The following KLRG2 variants were observed in gnomAD, a reference collection of about 807,000 sequenced individuals.
KLRG2 encodes the protein killer cell lectin-like receptor subfamily G member 2.
A neutral mutation model predicts 35.4 loss-of-function variants in KLRG2; 39 were observed. That is an observed-to-expected ratio of 1.10 (90% CI 0.85 to 1.44). The LOEUF is 1.44. Among genes scored for constraint, KLRG2 ranks in the 40% most tolerant of loss-of-function variants. The pLI, the probability that KLRG2 is intolerant of heterozygous loss-of-function variation, is 0.00. For missense variants in KLRG2, 632 were observed against 570.9 expected (o/e 1.11, Z -1.09); for synonymous variants, 283 against 265.8 (o/e 1.06, Z -0.63).
chr7:139,434,689 GT>G, the KLRG2 span, among the ~76,000 whole-genome samples: 1 of 152,228 alleles, frequency 6.6e-6, no homozygotes, highest in Non-Finnish European at 1.5e-5. Context: ...AGCACGCTGT[GT>G]TCTTACAGGG....
the KLRG2 span, among the ~76,000 whole-genome samples, chr7:139,431,886 A>C: frequency 6.6e-6 from 1 of 152,292 alleles, no homozygotes; most frequent in East Asian, 1.9e-4. Context: ...ATTTTTAAAA[A>C]GCAGTTGCAG....
At position 139,482,977 on chromosome 7, in the gene KLRG2, C is replaced by T; in HGVS notation, c.666G>A (p.Lys222=). ...CATCCTCCTTCTCCAGCCCCAGCTC[C>T]TTGCAGCGGCAGCACGTGGGGGAGC... ...SPGSPTCCRC[K]ELGLEKEDAA... is the part of the protein sequence containing the mutation. The change falls in exon 1 of 5, where the codon AAG becomes AAA. Residue 222 remains lysine (K), a synonymous_variant. Coordinates refer to ENST00000340940, the MANE Select transcript of KLRG2 (RefSeq NM_198508.4). 7.0e-7 allele frequency: 1 copy of T among 1,420,322 alleles called. No individual in the cohort carries two copies. The highest frequency in any genetic ancestry group is 9.1e-7 in the Non-Finnish European group (1 of 1,096,446). The allele number at this position is 1,420,322 out of a possible 1,614,324, so 88.0% of individuals were successfully genotyped here.
chr7:139,451,167 G>A (rs1010546549), downstream of KLRG2, among the ~76,000 whole-genome samples: 1 of 152,210 alleles, frequency 6.6e-6, no homozygotes, highest in African/African-American at 2.4e-5. Context: ...AAAAACAGTT[G>A]TCTGGGGCAA....
In KLRG2 at chr7:139,483,299, G is replaced by C. The variant is rs781418062; in HGVS notation, c.344C>G (p.Ala115Gly). 1.3e-6 allele frequency: 2 copies of C among 1,556,390 alleles called. No homozygotes were observed. The highest frequency in any genetic ancestry group is 2.3e-5 in the South Asian group (2 of 86,028). ...RNGEAPGAEP[A>G]PSAWAPMELQ... is the part of the protein sequence containing the mutation. Reference sequence around the variant, plus strand: ...CTCCATGGGCGCCCAGGCGCTGGGCGCAGGCTCAGCCCCGGGCGCCTCGCC... The same window carrying C: ...CTCCATGGGCGCCCAGGCGCTGGGCCCAGGCTCAGCCCCGGGCGCCTCGCC... Residue 115 changes from alanine to glycine, a missense_variant, in exon 1 of 5, where the codon GCG (alanine) becomes GGG (glycine). Transcript: ENST00000340940.
At chr7:139,454,834 T>TA (rs1283801806) in intron 3 of KLRG2, among the ~76,000 whole-genome samples, 2 of 75,012 alleles carry the variant, frequency 2.7e-5, no homozygotes, top group Non-Finnish European at 4.5e-5. Context: ...ATAATAATAA[T>TA]AATAATAATA....
At chr7:139,477,637 C>T (rs1026231262) in intron 3 of KLRG2, among the ~76,000 whole-genome samples, 2 of 151,954 alleles carry the variant, frequency 1.3e-5, no homozygotes, top group African/African-American at 2.4e-5. Flanking sequence ...TTGTACAAGA[C>T]GAAAAGAGTT....
intron 3 of KLRG2, among the ~76,000 whole-genome samples, chr7:139,466,761 A>AG (rs1554404153): frequency 3.3e-4 from 50 of 149,532 alleles, no homozygotes; most frequent in East Asian, 8.0e-4. Flanking sequence ...AAATAAAAAA[A>AG]GGGGGGGGTA....
Position 139,483,437 on chromosome 7 carries a change from T to G in KLRG2, c.206A>C (p.Lys69Thr). The change falls in exon 1 of 5, where the codon AAG becomes ACG. Residue 69 changes from lysine (K) to threonine (T), a missense_variant. Lys to Thr is a moderately conservative substitution (Grantham distance 78, BLOSUM62 -1). Transcript: ENST00000340940. The part of the protein sequence containing the change: ...GAGLEPSSKK[K>T]PPSPRPGSPR... ...GGACCCGGGGCGAGGCGAAGGCGGC[T>G]TTTTCTTGCTCGAGGGCTCCAGGCC... 6.4e-7 allele frequency: 1 copy of G among 1,570,516 alleles called. No homozygotes were observed. The highest frequency in any genetic ancestry group is 8.6e-7 in the Non-Finnish European group (1 of 1,168,936).
At chr7:139,473,133 T>C (rs182487425) in intron 3 of KLRG2, among the ~76,000 whole-genome samples, 2 of 152,222 alleles carry the variant, frequency 1.3e-5, no homozygotes, top group East Asian at 1.9e-4. Flanking sequence ...ATACAAAAAT[T>C]AGCTGTGTGT....
chr7:139,461,766 C>CTT (rs878900789), intron 3 of KLRG2, among the ~76,000 whole-genome samples: 1 of 152,104 alleles, frequency 6.6e-6, no homozygotes. Context: ...TTCGCTGACT[C>CTT]TTTTCGGACT....
chr7:139,443,946 C>T, the KLRG2 span, among the ~76,000 whole-genome samples: 3 of 152,108 alleles, frequency 2.0e-5, no homozygotes, highest in Non-Finnish European at 2.9e-5. Flanking sequence ...ATAGGGAAGC[C>T]GACAGTACAG....
At chr7:139,471,180 T>A (rs1796748458) in intron 3 of KLRG2, among the ~76,000 whole-genome samples, 1 of 151,940 alleles carries the variant, frequency 6.6e-6, no homozygotes, top group African/African-American at 2.4e-5. Flanking sequence ...AAGTTACATA[T>A]CATAGAAAAA....
intron 3 of KLRG2, among the ~76,000 whole-genome samples, chr7:139,455,641 A>G (rs1313404970): frequency 6.6e-6 from 1 of 152,142 alleles, no homozygotes; most frequent in East Asian, 1.9e-4. Context: ...AACTTGGAAA[A>G]AAAAGTTTAA....
the KLRG2 span, among the ~76,000 whole-genome samples, chr7:139,438,538 A>G: frequency 6.6e-6 from 1 of 152,154 alleles, no homozygotes; most frequent in Non-Finnish European, 1.5e-5. Flanking sequence ...TTTAAATGAG[A>G]TACCACCATA....
intron 3 of KLRG2, among the ~76,000 whole-genome samples, chr7:139,471,697 G>A (rs932035628): frequency 3.9e-5 from 6 of 152,104 alleles, no homozygotes; most frequent in African/African-American, 1.2e-4. Context: ...TCCTGCTCTC[G>A]CAAGGGTCCC....
At chr7:139,441,613 A>T in the KLRG2 span, among the ~76,000 whole-genome samples, 1 of 138,528 alleles carries the variant, frequency 7.2e-6, no homozygotes, top group Non-Finnish European at 1.6e-5. Flanking sequence ...CTTAAAGTAT[A>T]AAAAAAAAAA....
At chr7:139,468,010 G>A (rs1796695273) in intron 3 of KLRG2, among the ~76,000 whole-genome samples, 1 of 152,192 alleles carries the variant, frequency 6.6e-6, no homozygotes, top group Non-Finnish European at 1.5e-5. Flanking sequence ...GGGACATGCG[G>A]GCAGCAACAC....
At chr7:139,454,581 C>T (rs543612545) in intron 3 of KLRG2, among the ~76,000 whole-genome samples, 2 of 151,678 alleles carry the variant, frequency 1.3e-5, no homozygotes, top group South Asian at 2.1e-4. Flanking sequence ...ATTGGGAGGC[C>T]GAGGCTGGCA....
Position 139,452,773 on chromosome 7 carries a change from C to G in KLRG2, c.*814G>C, listed in dbSNP as rs776643392. The G allele has an allele frequency of 6.6e-6, 1 of 152,302 alleles. No homozygotes were observed. Among genetic ancestry groups the G allele is most frequent in the Non-Finnish European group, 1.5e-5 (1 of 68,092 alleles). 9.4% of individuals were successfully genotyped at this position (152,302 alleles called of 1,614,324 possible). A position where few individuals can be genotyped will look rare whatever the true frequency, so the allele number is the denominator to read the frequency against. On this transcript the variant is annotated 3_prime_UTR_variant, in exon 5 of 5. Transcript: ENST00000340940. ...AGCATGGAGACATCTTCAGGTTGGTCGTCTCTGCAGCTGTGGGTAGAAGAG... is the reference window on the plus strand; with the variant it reads ...AGCATGGAGACATCTTCAGGTTGGTGGTCTCTGCAGCTGTGGGTAGAAGAG...
Sources: gnomAD v4.1 joint callset for allele counts (sites outside exome capture counted in the v4.1 genomes callset) on GRCh38, gnomAD v4.1.1 for gene constraint, MANE v1.5 for transcripts, NCBI Gene and HGNC (gene_info 2026-07-23, HGNC 2026-07-21) for gene names.